The following KNG1 variants were observed in gnomAD, a reference collection of about 807,000 sequenced individuals.
KNG1 encodes kininogen-1.
A neutral mutation model predicts 47.8 loss-of-function variants in KNG1; 23 were observed. The ratio of observed to expected loss-of-function variants is 0.48; its 90% CI spans 0.35 to 0.68. KNG1 has a LOEUF of 0.68. Ranked by LOEUF, KNG1 falls within the 30% of genes least tolerant of loss-of-function variation. The pLI, the probability that KNG1 is intolerant of heterozygous loss-of-function variation, is 0.01. For synonymous variants in KNG1, 277 were observed against 277.0 expected (o/e 1.00, Z 0.00); for missense variants, 762 against 790.2 (o/e 0.96, Z 0.43).
chr3:186,736,730 AT>A (rs776063505), intron 7 of KNG1: 18 of 152,338 alleles, frequency 1.2e-4, no homozygotes, highest in Non-Finnish European at 2.5e-4. Flanking sequence ...AATGATGCCA[AT>A]TTACATTCAC....
intron 7 of KNG1, 24 bp from the exon 8 acceptor site, chr3:186,739,075 A>T: frequency 1.3e-6 from 2 of 1,533,292 alleles, no homozygotes; most frequent in Non-Finnish European, 1.8e-6. Flanking sequence ...TTAAGCGTTT[A>T]CTTTGTACTA....
At chr3:186,718,478 A>G (rs1316791927) in intron 1 of KNG1, 1 of 153,036 alleles carries the variant, frequency 6.5e-6, no homozygotes, top group Non-Finnish European at 1.4e-5. Context: ...ACTTGTGGAA[A>G]GACAGATACC....
In KNG1 at chr3:186,742,660, T is replaced by G; in HGVS notation, c.*329T>G. ...GTACCTTACAACATATGTCATGAATTTGCATACAAAGATTCTTGTCATTCT... is the reference window on the plus strand; with the variant it reads ...GTACCTTACAACATATGTCATGAATGTGCATACAAAGATTCTTGTCATTCT... On this transcript the variant is annotated 3_prime_UTR_variant, in exon 10 of 10. Coordinates refer to ENST00000644859, the MANE Select transcript of KNG1 (RefSeq NM_001102416.3). The G allele has an allele frequency of 9.2e-7, 1 of 1,089,372 alleles. No homozygotes were observed. The highest frequency in any genetic ancestry group is 1.1e-6 in the Non-Finnish European group (1 of 895,906). 67.5% of individuals were successfully genotyped at this position (1,089,372 alleles called of 1,614,324 possible).
chr3:186,728,777 G>C (rs1347823314), intron 5 of KNG1: 1 of 152,076 alleles, frequency 6.6e-6, no homozygotes, highest in African/African-American at 2.4e-5. Context: ...CAGCCTCCCT[G>C]AGTAGCTGGG....
intron 2 of KNG1, among the ~76,000 whole-genome samples, chr3:186,720,947 G>A (rs1343615556): frequency 2.0e-5 from 3 of 151,884 alleles, no homozygotes; most frequent in Non-Finnish European, 4.4e-5. Flanking sequence ...CCACCACCAC[G>A]CCTGGCTAAT....
intron 9 of KNG1, 53 bp downstream of exon 9, chr3:186,739,467 C>T (rs1720751993): frequency 6.5e-6 from 8 of 1,235,798 alleles, no homozygotes; most frequent in Non-Finnish European, 8.4e-6. Flanking sequence ...TTCTGAAAAT[C>T]CATATTTGGG....
intron 6 of KNG1, 136 bp downstream of exon 6, chr3:186,731,765 C>T (rs190242270): frequency 1.0e-5 from 7 of 697,600 alleles, no homozygotes; most frequent in Non-Finnish European, 1.6e-5. Context: ...CACAGATGCA[C>T]CCCTTGATGA....
At chr3:186,724,529 T>C (rs1656917) in intron 3 of KNG1, among the ~76,000 whole-genome samples, 82,038 of 151,958 alleles carry the variant, frequency 0.54, 22,332 homozygotes, top group Middle Eastern at 0.62. Flanking sequence ...TTTTCACATA[T>C]CTGTTGGCCA....
intron 7 of KNG1, chr3:186,736,807 T>C (rs550819093): frequency 6.6e-5 from 10 of 152,168 alleles, no homozygotes; most frequent in African/African-American, 2.4e-4. Flanking sequence ...TCCCAGCACT[T>C]TGGGGGGCCG....
intron 2 of KNG1, chr3:186,721,935 G>A: frequency 6.0e-6 from 1 of 167,730 alleles, no homozygotes; most frequent in Non-Finnish European, 1.3e-5. Context: ...GACCAACGTA[G>A]TGAAACCCTG....
intron 7 of KNG1, chr3:186,738,324 C>G (rs560835218): frequency 1.9e-4 from 29 of 152,096 alleles, no homozygotes; most frequent in African/African-American, 5.8e-4. Context: ...CAATAAAAAC[C>G]CCAAATAATT....
rs1023136254 is a variant in KNG1 at position 186,732,654 on chromosome 3, G to A, written c.910G>A (p.Val304Met). 1 of 1,613,810 alleles carries A rather than the reference G, an allele frequency of 6.2e-7. No homozygotes were observed. The highest frequency in any genetic ancestry group is 1.3e-5 in the African/African-American group (1 of 74,930). ...AACTTTCTATTTCAAGATTGACAATGTGAAAAAAGCAAGAGTACAGGTGTG... is the reference window on the plus strand; with the variant it reads ...AACTTTCTATTTCAAGATTGACAATATGAAAAAAGCAAGAGTACAGGTGTG... ...NATFYFKIDNVKKARVQVVAG... is the reference protein window; with the variant it reads ...NATFYFKIDNMKKARVQVVAG... The change falls in exon 7 of 10, where the codon GTG becomes ATG. Residue 304 changes from valine (V) to methionine (M), a missense_variant. Physicochemically the swap from Val to Met is conservative, Grantham distance 21. Transcript: ENST00000644859.
intron 2 of KNG1, 32 bp from the exon 3 acceptor site, chr3:186,722,405 T>C: frequency 6.5e-7 from 1 of 1,547,360 alleles, no homozygotes; most frequent in Non-Finnish European, 8.9e-7. Context: ...TCTGAAAGAT[T>C]AAGATAAATG....
chr3:186,743,537 G>A lies in KNG1; in HGVS notation c.*1206G>A. On this transcript the variant is annotated 3_prime_UTR_variant, in exon 10 of 10. Coordinates refer to ENST00000644859, the MANE Select transcript of KNG1 (RefSeq NM_001102416.3). The stretch of plus-strand genomic sequence containing the variant: ...ATGTCACTGCTGCTTCAAGTTATTG[G>A]ATGCATTTGAACCTCTGAGTTTGTC... 1 of 624,942 alleles carries A rather than the reference G, an allele frequency of 1.6e-6. No homozygotes were observed. The highest frequency in any genetic ancestry group is 1.9e-5 in the South Asian group (1 of 53,826). 38.7% of individuals were successfully genotyped at this position (624,942 alleles called of 1,614,324 possible). A position where few individuals can be genotyped will look rare whatever the true frequency, so the allele number is the denominator to read the frequency against.
intron 3 of KNG1, among the ~76,000 whole-genome samples, chr3:186,723,148 T>G (rs1366856398): frequency 6.6e-6 from 1 of 152,180 alleles, no homozygotes; most frequent in Non-Finnish European, 1.5e-5. Flanking sequence ...ATACATAATA[T>G]TTTACATATT....
Position 186,727,360 on chromosome 3 carries a change from T to A in KNG1, c.672+16T>A. ...TTGGAATGGTGTAAGTAGGCAAAAA[T>A]TTAATGATAAAGTTCTTAGCATTTT... is the stretch of plus-strand genomic sequence containing the variant. On this transcript the variant is annotated intron_variant, in intron 5 of 9. Coordinates refer to ENST00000644859, the MANE Select transcript of KNG1 (RefSeq NM_001102416.3). 6.9e-7 allele frequency: 1 copy of A among 1,449,978 alleles called. No individual in the cohort carries two copies. Among genetic ancestry groups the A allele is most frequent in the Admixed American group, 1.7e-5 (1 of 59,750 alleles). The allele number at this position is 1,449,978 out of a possible 1,614,324, so 89.8% of individuals were successfully genotyped here. A position where few individuals can be genotyped will look rare whatever the true frequency, so the allele number is the denominator to read the frequency against.
At chr3:186,727,118 A>C in intron 4 of KNG1, 119 bp from the exon 5 acceptor site, 1 of 738,410 alleles carries the variant, frequency 1.4e-6, no homozygotes, top group East Asian at 2.7e-5. Context: ...ATAATATTTT[A>C]TATTTCTTGG....
intron 5 of KNG1, among the ~76,000 whole-genome samples, chr3:186,729,333 A>C (rs956320758): frequency 6.6e-6 from 1 of 152,246 alleles, no homozygotes; most frequent in Non-Finnish European, 1.5e-5. Flanking sequence ...GTATATGCCC[A>C]AAAGAACTGG....
At position 186,742,169 on chromosome 3, in the gene KNG1, C is replaced by A; in HGVS notation, c.1773C>A (p.Ile591=). 1 of 1,614,144 alleles carries A rather than the reference C, an allele frequency of 6.2e-7. No individual in the cohort carries two copies. The highest frequency in any genetic ancestry group is 8.5e-7 in the Non-Finnish European group (1 of 1,180,002). ...GTGATGACGATTGGATCCCTGATAT[C>A]CAGATAGACCCAAATGGCCTTTCAT... ...IQSDDDWIPD[I]QIDPNGLSFN... The change falls in exon 10 of 10, where the codon ATC becomes ATA. Residue 591 remains isoleucine (I), a synonymous_variant. Transcript: ENST00000644859.
Sources: allele counts gnomAD v4.1 joint callset (sites outside exome capture counted in the v4.1 genomes callset), GRCh38; gene constraint gnomAD v4.1.1; transcripts MANE v1.5; gene names NCBI Gene and HGNC (gene_info 2026-07-23, HGNC 2026-07-21).